Variants in CFAP299 observed in about 807,000 individuals in gnomAD.
CFAP299 encodes cilia and flagella associated protein 299.
Under a neutral mutation model 27.0 loss-of-function variants are expected in CFAP299, and 21 were observed. The ratio of observed to expected loss-of-function variants is 0.78; its 90% CI spans 0.55 to 1.12. The LOEUF (loss-of-function observed/expected upper bound fraction) is 1.12, where lower values mean the gene tolerates loss of function less well. Among genes scored for constraint, CFAP299 ranks in the 50% most tolerant of loss-of-function variants. The pLI, the probability that CFAP299 is intolerant of heterozygous loss-of-function variation, is 0.00. For missense variants in CFAP299, 310 were observed against 276.6 expected (o/e 1.12, Z -0.86); for synonymous variants, 104 against 98.1 (o/e 1.06, Z -0.36).
intron 3 of CFAP299, among the ~76,000 whole-genome samples, chr4:80,770,148 T>C (rs900529889): frequency 1.1e-4 from 17 of 152,226 alleles, no homozygotes; most frequent in African/African-American, 3.9e-4. Context: ...TCAGCTAATA[T>C]AATGTTCTCG....
At chr4:80,871,197 G>A (rs553199082) in intron 4 of CFAP299, 51 of 985,276 alleles carry the variant, frequency 5.2e-5, no homozygotes, top group Admixed American at 6.2e-5. Flanking sequence ...GTCAGCCACC[G>A]AGCCTGACTC....
At chr4:80,918,003 A>G (rs1735847850) in intron 4 of CFAP299, among the ~76,000 whole-genome samples, 1 of 152,156 alleles carries the variant, frequency 6.6e-6, no homozygotes, top group African/African-American at 2.4e-5. Flanking sequence ...GCATATTTAG[A>G]ACAAAAATTA....
At chr4:80,749,075 A>G (rs1724781996) in intron 3 of CFAP299, among the ~76,000 whole-genome samples, 1 of 152,190 alleles carries the variant, frequency 6.6e-6, no homozygotes, top group South Asian at 2.1e-4. Flanking sequence ...TTTCTAGTAT[A>G]TCAGCATATC....
At chr4:80,815,403 T>A (rs1219966373) in intron 3 of CFAP299, among the ~76,000 whole-genome samples, 1 of 151,962 alleles carries the variant, frequency 6.6e-6, no homozygotes, top group African/African-American at 2.4e-5. Flanking sequence ...ACTAAGTCCC[T>A]TTCTATTATA....
chr4:80,682,612 T>A (rs908114260), intron 3 of CFAP299, among the ~76,000 whole-genome samples: 2 of 151,966 alleles, frequency 1.3e-5, no homozygotes, highest in Non-Finnish European at 2.9e-5. Flanking sequence ...CTTACTTCCA[T>A]CACATAGATA....
chr4:80,692,359 G>A (rs1222015888), intron 3 of CFAP299, among the ~76,000 whole-genome samples: 1 of 152,048 alleles, frequency 6.6e-6, no homozygotes, highest in African/African-American at 2.4e-5. Flanking sequence ...ATAGATCAAT[G>A]GAACAGAACA....
chr4:80,498,496 C>T (rs774008427), intron 2 of CFAP299, among the ~76,000 whole-genome samples: 3 of 151,954 alleles, frequency 2.0e-5, no homozygotes, highest in Non-Finnish European at 4.4e-5. Context: ...TGAAAAAATG[C>T]TCAACATTAA....
At chr4:80,357,558 G>T (rs1449731399) in intron 1 of CFAP299, among the ~76,000 whole-genome samples, 1 of 152,142 alleles carries the variant, frequency 6.6e-6, no homozygotes, top group Non-Finnish European at 1.5e-5. Flanking sequence ...TCCTGGTTCA[G>T]TCTGGGGAGT....
intron 2 of CFAP299, among the ~76,000 whole-genome samples, chr4:80,367,525 A>G (rs907625603): frequency 6.6e-6 from 1 of 152,118 alleles, no homozygotes; most frequent in Non-Finnish European, 1.5e-5. Flanking sequence ...TCCAAAAACT[A>G]TACCAACTAG....
intron 2 of CFAP299, among the ~76,000 whole-genome samples, chr4:80,373,709 C>T (rs1350414436): frequency 6.6e-6 from 1 of 152,006 alleles, no homozygotes; most frequent in African/African-American, 2.4e-5. Context: ...ATTACAAGTC[C>T]CTGGTGTCTT....
At chr4:80,620,259 G>A (rs1472347942) in intron 3 of CFAP299, among the ~76,000 whole-genome samples, 1 of 152,120 alleles carries the variant, frequency 6.6e-6, no homozygotes, top group Non-Finnish European at 1.5e-5. Flanking sequence ...TTGCATGTAT[G>A]TCACTACCCT....
chr4:80,559,345 G>A (rs1306948362), intron 2 of CFAP299, among the ~76,000 whole-genome samples: 2 of 146,812 alleles, frequency 1.4e-5, no homozygotes, highest in African/African-American at 5.5e-5. Flanking sequence ...AAAGAAAGGG[G>A]AAGTAGATTG....
chr4:80,670,321 T>C (rs1270125839), intron 3 of CFAP299, among the ~76,000 whole-genome samples: 1 of 152,176 alleles, frequency 6.6e-6, no homozygotes, highest in African/African-American at 2.4e-5. Flanking sequence ...CATGAACTCA[T>C]CCTTTTTTAT....
At chr4:80,859,705 A>T (rs1006151135) in intron 3 of CFAP299, among the ~76,000 whole-genome samples, 1 of 152,062 alleles carries the variant, frequency 6.6e-6, no homozygotes, top group Non-Finnish European at 1.5e-5. Flanking sequence ...CTCGGTTGAA[A>T]ATTCTTTTCT....
intron 2 of CFAP299, among the ~76,000 whole-genome samples, chr4:80,368,402 G>T (rs1475781924): frequency 6.6e-6 from 1 of 152,100 alleles, no homozygotes; most frequent in Non-Finnish European, 1.5e-5. Context: ...CCTTTCTTAT[G>T]CTATTCAATC....
chr4:80,463,094 T>C (rs1201847871), intron 2 of CFAP299, among the ~76,000 whole-genome samples: 1 of 152,250 alleles, frequency 6.6e-6, no homozygotes, highest in South Asian at 2.1e-4. Flanking sequence ...AAAACAGTGA[T>C]TGGGGCAGAA....
chr4:80,686,316 G>A (rs1349886410), intron 3 of CFAP299, among the ~76,000 whole-genome samples: 1 of 152,180 alleles, frequency 6.6e-6, no homozygotes, highest in Non-Finnish European at 1.5e-5. Flanking sequence ...ATGAAAAGAG[G>A]GCTTAGAGAG....
At chr4:80,647,457 G>A (rs904355474) in intron 3 of CFAP299, among the ~76,000 whole-genome samples, 18 of 152,072 alleles carry the variant, frequency 1.2e-4, no homozygotes, top group Admixed American at 7.2e-4. Flanking sequence ...AAGATGTGGA[G>A]TCCAAATATT....
intron 4 of CFAP299, chr4:80,873,081 T>C (rs1287523877): frequency 9.4e-6 from 8 of 853,214 alleles, no homozygotes; most frequent in Non-Finnish European, 1.1e-5. Context: ...TAGGATATTA[T>C]AGTTTTGCTT....
Sources: allele counts gnomAD v4.1 joint callset (sites outside exome capture counted in the v4.1 genomes callset), GRCh38; gene constraint gnomAD v4.1.1; transcripts MANE v1.5; gene names NCBI Gene and HGNC (gene_info 2026-07-23, HGNC 2026-07-21).